The following PBX3 variants were observed in gnomAD, a reference collection of about 807,000 sequenced individuals.
PBX3 encodes pre-B-cell leukemia transcription factor 3.
Under a neutral mutation model 48.5 loss-of-function variants are expected in PBX3, and 14 were observed. The observed-to-expected ratio is 0.29, with a 90% CI of 0.19 to 0.45. The LOEUF (loss-of-function observed/expected upper bound fraction) is 0.45. Ranked by LOEUF, PBX3 falls within the 20% of genes least tolerant of loss-of-function variation. The probability of loss-of-function intolerance (pLI) is 1.00; values close to 1 mark genes in which losing one functional copy is unlikely to be tolerated. For synonymous variants in PBX3, 210 were observed against 200.3 expected (o/e 1.05, Z -0.41); for missense variants, 386 against 546.7 (o/e 0.71, Z 2.93).
At chr9:125,845,344 A>G (rs1029044740) in intron 2 of PBX3, among the ~76,000 whole-genome samples, 2 of 152,110 alleles carry the variant, frequency 1.3e-5, no homozygotes, top group Non-Finnish European at 1.5e-5. Flanking sequence ...AGTTGCATAC[A>G]TTACGCTTTG....
At chr9:125,937,211 G>A (rs1348795745) in intron 5 of PBX3, among the ~76,000 whole-genome samples, 1 of 152,192 alleles carries the variant, frequency 6.6e-6, no homozygotes, top group Non-Finnish European at 1.5e-5. Context: ...TTCATTAGCT[G>A]TAGTACTTCA....
chr9:125,919,721 A>T (rs892601622), intron 3 of PBX3, among the ~76,000 whole-genome samples: 3 of 152,200 alleles, frequency 2.0e-5, no homozygotes, highest in African/African-American at 7.2e-5. Flanking sequence ...TGAAGCTGTA[A>T]TGAAAGTGTA....
At chr9:125,925,009 T>G (rs1462150721) in intron 3 of PBX3, among the ~76,000 whole-genome samples, 1 of 152,230 alleles carries the variant, frequency 6.6e-6, no homozygotes, top group Non-Finnish European at 1.5e-5. Context: ...GTGCTCTTTC[T>G]CAAGACAGTC....
intron 2 of PBX3, among the ~76,000 whole-genome samples, chr9:125,794,201 G>C (rs1157958940): frequency 1.3e-5 from 2 of 152,174 alleles, no homozygotes; most frequent in East Asian, 3.8e-4. Context: ...TTCTGCTTCT[G>C]TGTTTACTGG....
At chr9:125,953,782 A>G (rs1842243496) in intron 5 of PBX3, among the ~76,000 whole-genome samples, 1 of 91,370 alleles carries the variant, frequency 1.1e-5, no homozygotes, top group South Asian at 4.9e-4. Flanking sequence ...GTCTTTACGC[A>G]TACCCAGTAT....
At chr9:125,817,281 A>T (rs755335771) in intron 2 of PBX3, among the ~76,000 whole-genome samples, 18 of 152,232 alleles carry the variant, frequency 1.2e-4, no homozygotes, top group Non-Finnish European at 2.6e-4. Flanking sequence ...TACTTCCAAT[A>T]CTTATTTATT....
In PBX3 at chr9:125,875,561, A is replaced by T. The variant is rs1426309573; in HGVS notation, c.275-40125A>T. On this transcript the variant is annotated intron_variant, in intron 2 of 8. Transcript: ENST00000373489. The stretch of plus-strand genomic sequence containing the variant: ...AGAACGAGTGCAGAGATTTGAAAAA[A>T]TTGGCATTTGGGTGGCACTCAGTAA... 2.0e-5 allele frequency among the ~76,000 whole-genome samples: 3 copies of T among 152,136 alleles called. No individual in the cohort carries two copies. In the South Asian group the frequency reaches 6.2e-4, roughly 31 times the overall value.
intron 5 of PBX3, among the ~76,000 whole-genome samples, chr9:125,949,930 G>C (rs1035716538): frequency 6.6e-6 from 1 of 152,192 alleles, no homozygotes; most frequent in African/African-American, 2.4e-5. Context: ...CCACCTTTCA[G>C]TGTAGCTGAT....
rs142469506 is a variant in PBX3 at position 125,928,259 on chromosome 9, G to A, written c.517-1396G>A. Among the ~76,000 whole-genome samples, 1,082 of 151,964 alleles carry A rather than the reference G, an allele frequency of 7.1e-3. 11 individuals are homozygous for A. Among genetic ancestry groups the A allele is most frequent in the African/African-American group, 0.025 (1,029 of 41,448 alleles). ...CTGGGTATGGTGGCACATGCCTGTC[G>A]TCACAGCTACTTGGGAAGCTGAGAT... On this transcript the variant is annotated intron_variant, in intron 3 of 8. Transcript: ENST00000373489.
chr9:125,754,886 AT>A (rs1200324793), intron 2 of PBX3, among the ~76,000 whole-genome samples: 4 of 152,102 alleles, frequency 2.6e-5, no homozygotes, highest in Admixed American at 1.3e-4. Context: ...AAAAATATTT[AT>A]GGATAAAAAT....
intron 2 of PBX3, among the ~76,000 whole-genome samples, chr9:125,903,907 T>C (rs1202724294): frequency 6.6e-6 from 1 of 151,848 alleles, no homozygotes; most frequent in African/African-American, 2.4e-5. Context: ...GCTGTGTGAC[T>C]ATGAGCAATG....
At chr9:125,891,501 A>C in intron 2 of PBX3, among the ~76,000 whole-genome samples, 1 of 152,266 alleles carries the variant, frequency 6.6e-6, no homozygotes, top group East Asian at 1.9e-4. Flanking sequence ...CCATTGTGTA[A>C]AAATGTATGG....
intron 2 of PBX3, among the ~76,000 whole-genome samples, chr9:125,899,258 T>G (rs936092838): frequency 4.0e-5 from 5 of 125,904 alleles, no homozygotes; most frequent in African/African-American, 1.4e-4. Flanking sequence ...TGTATATATA[T>G]TTATATATAA....
rs532473756 is a variant in PBX3 at position 125,966,934 on chromosome 9, T to C, written c.*1011T>C. ...TTCCCTTCATAAAATGTAATGTACA[T>C]TGTAATCTTTTAAAAGAAAAATCAG... On this transcript the variant is annotated 3_prime_UTR_variant, in exon 9 of 9. Transcript: ENST00000373489. 6.5e-6 allele frequency: 1 copy of C among 152,738 alleles called. No individual in the cohort carries two copies. The highest frequency in any genetic ancestry group is 2.4e-5 in the African/African-American group (1 of 41,578). The allele number at this position is 152,738 out of a possible 1,614,324, so 9.5% of individuals were successfully genotyped here. A position where few individuals can be genotyped will look rare whatever the true frequency, so the allele number is the denominator to read the frequency against.
chr9:125,763,064 A>G (rs929248859), intron 2 of PBX3, among the ~76,000 whole-genome samples: 1 of 152,222 alleles, frequency 6.6e-6, no homozygotes, highest in East Asian at 1.9e-4. Flanking sequence ...TATCTGGTTT[A>G]TATTCCTGTG....
chr9:125,761,648 C>T (rs1310601044), intron 2 of PBX3, among the ~76,000 whole-genome samples: 1 of 152,064 alleles, frequency 6.6e-6, no homozygotes, highest in African/African-American at 2.4e-5. Context: ...TAACACAAAA[C>T]CCCTACCTTT....
chr9:125,844,044 T>G (rs1638627512), intron 2 of PBX3, among the ~76,000 whole-genome samples: 1 of 152,088 alleles, frequency 6.6e-6, no homozygotes, highest in Non-Finnish European at 1.5e-5. Flanking sequence ...AGTGCCCAGA[T>G]GTTTAAAAAA....
intron 2 of PBX3, among the ~76,000 whole-genome samples, chr9:125,901,964 C>G (rs552395253): frequency 2.5e-4 from 38 of 151,780 alleles, no homozygotes; most frequent in African/African-American, 8.9e-4. Context: ...CTTTGCCTTT[C>G]TTTAATTGTG....
chr9:125,929,269 T>C, intron 3 of PBX3, among the ~76,000 whole-genome samples: 1 of 152,266 alleles, frequency 6.6e-6, no homozygotes, highest in East Asian at 1.9e-4. Context: ...TTTGTAGTTG[T>C]TCAGTAAGCA....
Sources: gnomAD v4.1 joint callset for allele counts (sites outside exome capture counted in the v4.1 genomes callset) on GRCh38, gnomAD v4.1.1 for gene constraint, MANE v1.5 for transcripts, NCBI Gene and HGNC (gene_info 2026-07-23, HGNC 2026-07-21) for gene names.